Variants in EPB41L2 observed in about 807,000 individuals in gnomAD.
EPB41L2 encodes the protein erythrocyte membrane protein band 4.1 like 2.
Under a neutral mutation model 113.0 loss-of-function variants are expected in EPB41L2, and 43 were observed. That is an observed-to-expected ratio of 0.38 (90% CI 0.30 to 0.49). The LOEUF is 0.49. Ranked by LOEUF, EPB41L2 falls within the 20% of genes least tolerant of loss-of-function variation. The probability of loss-of-function intolerance (pLI) is 0.95; values close to 1 mark genes in which losing one functional copy is unlikely to be tolerated. For missense variants in EPB41L2, 1,147 were observed against 1,223.4 expected, an observed-to-expected ratio of 0.94 and a Z score of 0.93; for synonymous variants, 442 against 436.7, an observed-to-expected ratio of 1.01 and a Z score of -0.15.
intron 1 of EPB41L2, among the ~76,000 whole-genome samples, chr6:131,035,903 C>T (rs1793210180): frequency 6.6e-6 from 1 of 152,076 alleles, no homozygotes; most frequent in African/African-American, 2.4e-5. Context: ...AAAATGGCAC[C>T]AAAGTTTGGA....
At chr6:130,858,277 T>C (rs1780921547) in intron 18 of EPB41L2, 34 bp from the exon 19 acceptor site, 2 of 1,549,758 alleles carry the variant, frequency 1.3e-6, no homozygotes, top group Non-Finnish European at 8.8e-7. Context: ...GGCTGTGAGC[T>C]GGGGAACAGC....
chr6:130,924,196 C>T (rs796978969), intron 4 of EPB41L2, among the ~76,000 whole-genome samples: 6 of 152,314 alleles, frequency 3.9e-5, no homozygotes, highest in African/African-American at 1.4e-4. Flanking sequence ...TATGTACATA[C>T]ATATTCCATT....
intron 1 of EPB41L2, among the ~76,000 whole-genome samples, chr6:130,979,640 G>C (rs1357001916): frequency 6.6e-6 from 1 of 152,100 alleles, no homozygotes; most frequent in Non-Finnish European, 1.5e-5. Flanking sequence ...TAATTAATTG[G>C]ATTGTGGGAG....
chr6:130,980,120 G>A (rs771530651), intron 1 of EPB41L2, among the ~76,000 whole-genome samples: 2 of 152,126 alleles, frequency 1.3e-5, no homozygotes, highest in Non-Finnish European at 2.9e-5. Flanking sequence ...GGGTTAAAAG[G>A]GTCATAAGAT....
chr6:130,953,664 TA>T (rs60036274), intron 3 of EPB41L2, among the ~76,000 whole-genome samples: 9 of 148,028 alleles, frequency 6.1e-5, no homozygotes, highest in South Asian at 2.2e-4. Context: ...CTTAAAGTAT[TA>T]AAAAAAAAAC....
chr6:130,869,498 A>T, intron 15 of EPB41L2, 65 bp downstream of exon 15: 2 of 1,421,350 alleles, frequency 1.4e-6, no homozygotes, highest in South Asian at 2.6e-5. Context: ...AGGAGAAGAA[A>T]GGCAGGAGTT....
intron 4 of EPB41L2, among the ~76,000 whole-genome samples, chr6:130,911,893 CA>C (rs1024318430): frequency 5.4e-4 from 73 of 134,124 alleles, no homozygotes; most frequent in African/African-American, 2.4e-3. Flanking sequence ...AATAATATAA[CA>C]GGGGTCCTCA....
At chr6:130,877,706 C>T (rs1300931066) in intron 14 of EPB41L2, among the ~76,000 whole-genome samples, 1 of 152,098 alleles carries the variant, frequency 6.6e-6, no homozygotes, top group Non-Finnish European at 1.5e-5. Flanking sequence ...CTTTAAACCA[C>T]TCTAAAGATA....
intron 1 of EPB41L2, among the ~76,000 whole-genome samples, chr6:131,006,492 T>A (rs1193145313): frequency 6.6e-6 from 1 of 151,498 alleles, no homozygotes; most frequent in East Asian, 2.0e-4. Flanking sequence ...CAAAACCCCG[T>A]CTCTACTAAA....
At chr6:130,983,637 TCC>T (rs1322302143) in intron 1 of EPB41L2, among the ~76,000 whole-genome samples, 5 of 151,378 alleles carry the variant, frequency 3.3e-5, no homozygotes, top group Non-Finnish European at 7.4e-5. Flanking sequence ...CCAGTGATCC[TCC>T]CACCTCAGCC....
At chr6:130,872,606 G>A in intron 14 of EPB41L2, 1 of 1,066,992 alleles carries the variant, frequency 9.4e-7, no homozygotes, top group Non-Finnish European at 1.2e-6. Context: ...GTGACCTATT[G>A]GAAGAAAGGA....
At chr6:130,928,088 C>T (rs898441445) in intron 3 of EPB41L2, among the ~76,000 whole-genome samples, 10 of 151,774 alleles carry the variant, frequency 6.6e-5, no homozygotes, top group Admixed American at 5.9e-4. Context: ...GAGACCCTGT[C>T]TCAATAAATA....
chr6:130,856,631 G>A (rs575998757), intron 19 of EPB41L2, among the ~76,000 whole-genome samples: 5 of 152,208 alleles, frequency 3.3e-5, no homozygotes, highest in African/African-American at 9.6e-5. Flanking sequence ...GCTGTGCCAC[G>A]CAAGGTAGAA....
At chr6:130,919,089 C>G (rs563175242) in intron 4 of EPB41L2, among the ~76,000 whole-genome samples, 5 of 152,004 alleles carry the variant, frequency 3.3e-5, no homozygotes, top group African/African-American at 1.2e-4. Flanking sequence ...AAAGATATTG[C>G]TAATTGTATT....
chr6:131,027,114 T>C (rs1227471685), intron 1 of EPB41L2, among the ~76,000 whole-genome samples: 2 of 152,210 alleles, frequency 1.3e-5, no homozygotes, highest in Admixed American at 6.5e-5. Flanking sequence ...GCAGGCAAAA[T>C]ACATTGGAAA....
intron 1 of EPB41L2, among the ~76,000 whole-genome samples, chr6:131,048,161 A>AAAG (rs1562797703): frequency 6.9e-6 from 1 of 144,184 alleles, no homozygotes; most frequent in Non-Finnish European, 1.5e-5. Flanking sequence ...AAAAAAAGAA[A>AAAG]AAAAGAAAAG....
At position 131,032,058 on chromosome 6, in the gene EPB41L2, C is replaced by CAA. The variant is rs768285042; in HGVS notation, c.-15+31095_-15+31096dup. ...AAACACATTTGAAGAGAAAACTACT[C>CAA]AAAGAAATGCTTATCAGATAAGCTC... is the stretch of plus-strand genomic sequence containing the variant. On this transcript the variant is annotated intron_variant, in intron 1 of 19. Transcript: ENST00000337057. Among the ~76,000 whole-genome samples, 7 of 152,218 alleles carry CAA rather than the reference C, an allele frequency of 4.6e-5. No individual in the cohort carries two copies. In the East Asian group the frequency reaches 7.7e-4, roughly 17 times the overall value.
At chr6:130,980,385 A>G (rs1346013999) in intron 1 of EPB41L2, among the ~76,000 whole-genome samples, 2 of 152,142 alleles carry the variant, frequency 1.3e-5, no homozygotes, top group Non-Finnish European at 2.9e-5. Context: ...AGTAGAAAGA[A>G]AGGAAAATGA....
At chr6:131,057,194 C>T (rs538908271) in intron 1 of EPB41L2, among the ~76,000 whole-genome samples, 1 of 152,308 alleles carries the variant, frequency 6.6e-6, no homozygotes, top group East Asian at 1.9e-4. Flanking sequence ...TCCTAAAGTT[C>T]TCTTTCTCCC....
Sources: allele counts gnomAD v4.1 joint callset (sites outside exome capture counted in the v4.1 genomes callset), GRCh38; gene constraint gnomAD v4.1.1; transcripts MANE v1.5; gene names NCBI Gene and HGNC (gene_info 2026-07-23, HGNC 2026-07-21).